LHCGR: variants seen among roughly 807,000 people sequenced by gnomAD.
LHCGR encodes the protein lutropin-choriogonadotropic hormone receptor.
Under a neutral mutation model 60.7 loss-of-function variants are expected in LHCGR, and 55 were observed. That is an observed-to-expected ratio of 0.91 (90% CI 0.73 to 1.13). LHCGR has a LOEUF of 1.13. Ranked by LOEUF, LHCGR falls within the 50% of genes most tolerant of loss-of-function variation. The pLI, the probability that LHCGR is intolerant of heterozygous loss-of-function variation, is 0.00. For synonymous variants in LHCGR, 337 were observed against 316.5 expected (o/e 1.06, Z -0.69); for missense variants, 862 against 836.0 (o/e 1.03, Z -0.38).
intron 1 of LHCGR, among the ~76,000 whole-genome samples, chr2:48,734,490 G>A (rs1669132935): frequency 6.6e-6 from 1 of 152,182 alleles, no homozygotes; most frequent in African/African-American, 2.4e-5. Context: ...CTGTACTAGA[G>A]AGACAAATGG....
At chr2:48,743,819 A>G (rs1669581774) in intron 1 of LHCGR, among the ~76,000 whole-genome samples, 1 of 152,138 alleles carries the variant, frequency 6.6e-6, no homozygotes, top group African/African-American at 2.4e-5. Context: ...CTCCTATTCA[A>G]CATAGTGGTG....
intron 1 of LHCGR, among the ~76,000 whole-genome samples, chr2:48,742,061 A>G (rs1489980649): frequency 2.0e-5 from 3 of 152,116 alleles, no homozygotes; most frequent in African/African-American, 7.2e-5. Flanking sequence ...GATAAAACAG[A>G]CTTTAAACCA....
intron 4 of LHCGR, among the ~76,000 whole-genome samples, chr2:48,725,468 T>C (rs1355276452): frequency 6.6e-6 from 1 of 152,184 alleles, no homozygotes; most frequent in African/African-American, 2.4e-5. Flanking sequence ...TGATAAAATG[T>C]TGGGAACCAC....
chr2:48,741,159 C>G (rs1251303678), intron 1 of LHCGR, among the ~76,000 whole-genome samples: 4 of 151,012 alleles, frequency 2.6e-5, no homozygotes, highest in African/African-American at 7.3e-5. Flanking sequence ...TAAAAAGAAA[C>G]GAGCAAAGCC....
In LHCGR at chr2:48,689,712, CCT is replaced by C. The variant is rs763839443; in HGVS notation, c.948-865_948-864del. On this transcript the variant is annotated intron_variant, in intron 10 of 10. Transcript: ENST00000294954. Reference sequence around the variant, plus strand: ...ATACTTCCTGAGTTTAGGGTCTTTTCCTCTCTCTCTCTTTTTTTTTTGAGACG... The same window carrying C: ...ATACTTCCTGAGTTTAGGGTCTTTTCCTCTCTCTCTTTTTTTTTTGAGACG... Among the ~76,000 whole-genome samples, 35 of 151,928 alleles carry C rather than the reference CCT, an allele frequency of 2.3e-4. No homozygotes were observed. In the East Asian group the frequency reaches 5.4e-3, roughly 24 times the overall value.
intron 1 of LHCGR, among the ~76,000 whole-genome samples, chr2:48,738,427 G>C (rs966384248): frequency 6.6e-6 from 1 of 152,010 alleles, no homozygotes; most frequent in Admixed American, 6.6e-5. Flanking sequence ...CCCCTAATTG[G>C]TTTCCTGTCA....
chr2:48,731,439 C>G, intron 1 of LHCGR, 141 bp from the exon 2 acceptor site: 2 of 654,806 alleles, frequency 3.1e-6, no homozygotes, highest in Non-Finnish European at 5.5e-6. Context: ...GCTGAGGATT[C>G]TAACTTAAAT....
At chr2:48,724,738 C>T (rs758855138) in intron 4 of LHCGR, among the ~76,000 whole-genome samples, 2 of 151,952 alleles carry the variant, frequency 1.3e-5, no homozygotes, top group Non-Finnish European at 2.9e-5. Flanking sequence ...GCTTATGTGC[C>T]CTATAGACAC....
chr2:48,734,596 C>G (rs751743782), intron 1 of LHCGR, among the ~76,000 whole-genome samples: 1 of 152,164 alleles, frequency 6.6e-6, no homozygotes, highest in Non-Finnish European at 1.5e-5. Flanking sequence ...TCCTTCCTTT[C>G]CTTTCCTTCA....
chr2:48,723,763 A>G, intron 4 of LHCGR, 67 bp from the exon 5 acceptor site: 1 of 1,159,870 alleles, frequency 8.6e-7, no homozygotes, highest in Non-Finnish European at 1.3e-6. Flanking sequence ...TTAAGACATA[A>G]AGATAAAAAG....
chr2:48,696,593 A>G (rs1367443865), intron 9 of LHCGR, among the ~76,000 whole-genome samples: 2 of 152,208 alleles, frequency 1.3e-5, no homozygotes, highest in Non-Finnish European at 2.9e-5. Context: ...AGTCAGGTCA[A>G]TAAATGAAAA....
chr2:48,752,130 A>G (rs1273105700), intron 1 of LHCGR, among the ~76,000 whole-genome samples: 1 of 152,184 alleles, frequency 6.6e-6, no homozygotes, highest in East Asian at 1.9e-4. Flanking sequence ...TATATTTTGT[A>G]TCACATTTTA....
intron 1 of LHCGR, among the ~76,000 whole-genome samples, chr2:48,740,672 C>A (rs538666453): frequency 8.7e-4 from 132 of 151,994 alleles, no homozygotes; most frequent in African/African-American, 3.1e-3. Context: ...AAAGGACATC[C>A]ACACCAAAAA....
At chr2:48,747,429 C>G (rs769800158) in intron 1 of LHCGR, among the ~76,000 whole-genome samples, 29 of 151,764 alleles carry the variant, frequency 1.9e-4, no homozygotes, top group Admixed American at 5.3e-4. Context: ...GCCTGTGTGC[C>G]TTCACTTTTT....
intron 1 of LHCGR, among the ~76,000 whole-genome samples, chr2:48,736,618 C>G (rs1198766746): frequency 6.6e-6 from 1 of 152,052 alleles, no homozygotes; most frequent in Non-Finnish European, 1.5e-5. Context: ...GCCAATTTGT[C>G]CAGTTTAATT....
chr2:48,702,675 G>C (rs1221037957), intron 8 of LHCGR, among the ~76,000 whole-genome samples: 4 of 152,082 alleles, frequency 2.6e-5, no homozygotes. Context: ...ATGGACATTT[G>C]GGTTGGTTCC....
intron 6 of LHCGR, among the ~76,000 whole-genome samples, chr2:48,717,821 C>T (rs1205867816): frequency 7.3e-6 from 1 of 137,628 alleles, no homozygotes; most frequent in East Asian, 2.3e-4. Flanking sequence ...TGCCTTTAGA[C>T]ATTTTCCATG....
intron 6 of LHCGR, among the ~76,000 whole-genome samples, chr2:48,717,136 C>T (rs1047902803): frequency 6.6e-6 from 1 of 152,200 alleles, no homozygotes. Context: ...GTGATGATCG[C>T]ACTACACATG....
intron 6 of LHCGR, chr2:48,720,881 T>A (rs1423019016): frequency 6.6e-6 from 1 of 152,230 alleles, no homozygotes; most frequent in Non-Finnish European, 1.5e-5. Flanking sequence ...ACTTAAAAAG[T>A]ACTTAAAAAC....
Sources: gnomAD v4.1 joint callset for allele counts (sites outside exome capture counted in the v4.1 genomes callset) on GRCh38, gnomAD v4.1.1 for gene constraint, MANE v1.5 for transcripts, NCBI Gene and HGNC (gene_info 2026-07-23, HGNC 2026-07-21) for gene names.